The following GPHN variants were observed in gnomAD, a reference collection of about 807,000 sequenced individuals.
GPHN encodes gephyrin.
A neutral mutation model predicts 95.5 loss-of-function variants in GPHN; 17 were observed. The observed-to-expected ratio is 0.18, with a 90% CI of 0.12 to 0.27. GPHN has a LOEUF of 0.27. GPHN is among the 10% of genes least tolerant of loss of function. The pLI, the probability that GPHN is intolerant of heterozygous loss-of-function variation, is 1.00. For synonymous variants in GPHN, 320 were observed against 322.5 expected, an observed-to-expected ratio of 0.99 and a Z score of 0.08; for missense variants, 660 against 978.1, an observed-to-expected ratio of 0.67 and a Z score of 4.34.
the GPHN span, among the ~76,000 whole-genome samples, chr14:67,247,799 A>C: frequency 6.6e-6 from 1 of 152,086 alleles, no homozygotes; most frequent in East Asian, 1.9e-4. Context: ...GGCTGGTCTC[A>C]AATTCCTGGG....
the GPHN span, among the ~76,000 whole-genome samples, chr14:67,243,753 C>T: frequency 1.3e-5 from 2 of 152,086 alleles, no homozygotes; most frequent in South Asian, 4.1e-4. Context: ...GCCTCGCCCT[C>T]CCAAAGTGCT....
the GPHN span, among the ~76,000 whole-genome samples, chr14:67,662,289 T>C: frequency 6.6e-6 from 1 of 152,190 alleles, no homozygotes; most frequent in African/African-American, 2.4e-5. Context: ...AGGAGCATCT[T>C]CAGGCTTCAC....
intron 13 of GPHN, among the ~76,000 whole-genome samples, chr14:67,109,586 C>T (rs2078251615): frequency 6.6e-6 from 1 of 152,164 alleles, no homozygotes; most frequent in South Asian, 2.1e-4. Flanking sequence ...TATATTTGCT[C>T]AACCTCTATT....
chr14:66,521,798 G>A (rs2058494678), intron 1 of GPHN, among the ~76,000 whole-genome samples: 1 of 152,106 alleles, frequency 6.6e-6, no homozygotes, highest in Non-Finnish European at 1.5e-5. Context: ...ACATTTTGGA[G>A]GGGGACGCAC....
intron 2 of GPHN, among the ~76,000 whole-genome samples, chr14:66,732,766 C>T (rs935527251): frequency 6.6e-6 from 1 of 152,292 alleles, no homozygotes; most frequent in Non-Finnish European, 1.5e-5. Flanking sequence ...CCACCCCCCT[C>T]GGCCTCCCAA....
chr14:66,628,802 G>A (rs550433961), intron 1 of GPHN, among the ~76,000 whole-genome samples: 1 of 151,916 alleles, frequency 6.6e-6, no homozygotes, highest in Non-Finnish European at 1.5e-5. Flanking sequence ...GCTCACAGCT[G>A]CAATCCCAGT....
At chr14:66,773,901 T>C (rs2059277079) in intron 2 of GPHN, among the ~76,000 whole-genome samples, 1 of 151,716 alleles carries the variant, frequency 6.6e-6, no homozygotes, top group South Asian at 2.1e-4. Flanking sequence ...TTGTCAAACA[T>C]AGAGTATTTT....
intron 2 of GPHN, among the ~76,000 whole-genome samples, chr14:66,698,849 G>A (rs1463461800): frequency 6.6e-6 from 1 of 152,072 alleles, no homozygotes; most frequent in African/African-American, 2.4e-5. Context: ...ATATATGCGG[G>A]TTTTGCATTT....
chr14:66,738,033 C>G (rs907461442), intron 2 of GPHN, among the ~76,000 whole-genome samples: 5 of 152,150 alleles, frequency 3.3e-5, no homozygotes, highest in Non-Finnish European at 7.4e-5. Context: ...CTCACCATAG[C>G]CAAGTGACTC....
chr14:67,665,259 C>CTT, the GPHN span, among the ~76,000 whole-genome samples: 730 of 126,502 alleles, frequency 5.8e-3, 16 homozygotes, highest in Non-Finnish European at 8.3e-3. Context: ...TCAGTTATAT[C>CTT]TTTTTTTTTT....
chr14:67,721,003 G>C, the GPHN span: 1 of 152,150 alleles, frequency 6.6e-6, no homozygotes, highest in Non-Finnish European at 1.5e-5. Context: ...CAGGTCCATG[G>C]GTTTCCCCAG....
chr14:67,479,836 G>T, the GPHN span, among the ~76,000 whole-genome samples: 1 of 152,228 alleles, frequency 6.6e-6, no homozygotes, highest in Non-Finnish European at 1.5e-5. Context: ...CTGAAGTCAT[G>T]TAAAATTATT....
At chr14:66,996,813 A>T (rs1229112767) in intron 9 of GPHN, among the ~76,000 whole-genome samples, 1 of 152,190 alleles carries the variant, frequency 6.6e-6, no homozygotes, top group Non-Finnish European at 1.5e-5. Context: ...GAAGAGATTA[A>T]CAGTAAAGAG....
At chr14:67,722,078 C>T in the GPHN span, among the ~76,000 whole-genome samples, 1 of 152,198 alleles carries the variant, frequency 6.6e-6, no homozygotes, top group Non-Finnish European at 1.5e-5. Flanking sequence ...AGAGCACTCT[C>T]AGCCCTCCAG....
At chr14:67,056,938 C>T (rs553824177) in intron 10 of GPHN, among the ~76,000 whole-genome samples, 130 of 152,326 alleles carry the variant, frequency 8.5e-4, no homozygotes, top group Admixed American at 2.2e-3. Context: ...CCCAGCACAC[C>T]CTCCGCAGCT....
At chr14:67,537,343 CA>C in the GPHN span, among the ~76,000 whole-genome samples, 1 of 84,550 alleles carries the variant, frequency 1.2e-5, no homozygotes, top group East Asian at 3.5e-4. Context: ...GACTCCATCT[CA>C]AAAATAATAA....
chr14:67,047,361 TG>T (rs1305461466), intron 10 of GPHN, among the ~76,000 whole-genome samples: 8 of 134,894 alleles, frequency 5.9e-5, no homozygotes, highest in African/African-American at 1.1e-4. Context: ...TGTGTGTGTG[TG>T]TTTGTTTTTT....
chr14:67,491,299 C>A, the GPHN span, among the ~76,000 whole-genome samples: 1 of 152,194 alleles, frequency 6.6e-6, no homozygotes, highest in East Asian at 1.9e-4. Context: ...AGAAACCTAT[C>A]AAATCTTATT....
At chr14:66,656,820 T>C (rs1027454237) in intron 1 of GPHN, among the ~76,000 whole-genome samples, 1 of 152,158 alleles carries the variant, frequency 6.6e-6, no homozygotes, top group Non-Finnish European at 1.5e-5. Context: ...CCCATCTCTT[T>C]CTCTCTCCAT....
Sources: gnomAD v4.1 joint callset for allele counts (sites outside exome capture counted in the v4.1 genomes callset) on GRCh38, gnomAD v4.1.1 for gene constraint, MANE v1.5 for transcripts, NCBI Gene and HGNC (gene_info 2026-07-23, HGNC 2026-07-21) for gene names.